Variants in DMAP1 observed in about 807,000 individuals in gnomAD.
DMAP1 encodes DNA methyltransferase 1-associated protein 1.
Under a neutral mutation model 52.7 loss-of-function variants are expected in DMAP1, and 26 were observed. The ratio of observed to expected loss-of-function variants is 0.49; its 90% CI spans 0.36 to 0.68. DMAP1 has a LOEUF of 0.68. DMAP1 is among the 30% of genes least tolerant of loss of function. The pLI is 0.00. For synonymous variants in DMAP1, 231 were observed against 246.0 expected (o/e 0.94, Z 0.57); for missense variants, 439 against 625.2 (o/e 0.70, Z 3.18).
At chr1:44,214,328 T>C in intron 1 of DMAP1, 22 bp from the exon 2 acceptor site, 3 of 1,611,656 alleles carry the variant, frequency 1.9e-6, no homozygotes, top group Middle Eastern at 1.8e-4. Context: ...TTGTGGTTCC[T>C]TTCTGTGGTT....
In DMAP1 at chr1:44,219,042, C is replaced by T. The variant is rs1479486821; in HGVS notation, c.721-14C>T. On this transcript the variant is annotated splice_polypyrimidine_tract_variant and intron_variant, in intron 5 of 9. Coordinates refer to ENST00000372289, the MANE Select transcript of DMAP1 (RefSeq NM_019100.5). ...GAAGTGCCCTCACACACTTCGCATC[C>T]CTCACTTTCCCAGGTGGCAGAGGAG... 1.9e-6 allele frequency: 3 copies of T among 1,613,506 alleles called. No homozygotes were observed. The highest frequency in any genetic ancestry group is 2.5e-6 in the Non-Finnish European group (3 of 1,179,732).
At position 44,219,413 on chromosome 1, in the gene DMAP1, C is replaced by T; in HGVS notation, c.914C>T (p.Pro305Leu). The T allele has an allele frequency of 1.3e-6, 2 of 1,588,988 alleles. No individual in the cohort carries two copies. The highest frequency in any genetic ancestry group is 1.2e-5 in the South Asian group (1 of 86,298). ...QKKEAEKPAV[P>L]ETAGIKFPDF... ...TAATGCCTTCTCCCCCAGGCTGTTC[C>T]TGAGACTGCAGGCATCAAGTTTCCA... The change falls in exon 7 of 10, where the codon CCT (proline) becomes CTT (leucine). Residue 305 changes from proline to leucine, a missense_variant. Physicochemically the swap from Pro to Leu is moderately conservative, Grantham distance 98 (BLOSUM62 -3). Coordinates refer to ENST00000372289, the MANE Select transcript of DMAP1 (RefSeq NM_019100.5).
intron 3 of DMAP1, chr1:44,215,987 C>T (rs763557958): frequency 6.6e-6 from 1 of 152,476 alleles, no homozygotes; most frequent in Non-Finnish European, 1.5e-5. Context: ...AATCTTTGTC[C>T]CTGGGCTGGA....
rs2154314469 is a variant in DMAP1, at chr1:44,220,329, G to A, written c.1344+20G>A. ...AATTCGGTAAGAGTCTGGACAGGCTGGGAGGCACGCCTGGGCCCTGCGAGT... is the reference window on the plus strand; with the variant it reads ...AATTCGGTAAGAGTCTGGACAGGCTAGGAGGCACGCCTGGGCCCTGCGAGT... On this transcript the variant is annotated intron_variant, in intron 9 of 9. Transcript: ENST00000372289. The A allele has an allele frequency of 1.3e-6, 2 of 1,535,382 alleles. No individual in the cohort carries two copies. The highest frequency in any genetic ancestry group is 2.3e-5 in the East Asian group (1 of 43,728).
rs1264937113 is a variant in DMAP1 at position 44,213,814 on chromosome 1, G to A, written c.61G>A (p.Ala21Thr). The part of the protein sequence containing the change: ...LELGGPEGDA[A>T]SGTISKKDII... ...ACTCGGGGGTCCAGAAGGGGATGCA[G>A]CCTCTGGGACCATCAGCAAGAAGGA... The change falls in exon 1 of 10, where the codon GCC (alanine) becomes ACC (threonine). Residue 21 changes from alanine (A) to threonine (T), a missense_variant. By Grantham distance (58) the Ala-to-Thr change is moderately conservative. Coordinates refer to ENST00000372289, the MANE Select transcript of DMAP1 (RefSeq NM_019100.5). This position sits in a 1 kb window ranked among gnomAD's most constrained non-coding sequence, Gnocchi z 4.5. 5.6e-6 allele frequency: 9 copies of A among 1,596,570 alleles called. No homozygotes were observed. The highest frequency in any genetic ancestry group is 7.7e-6 in the Non-Finnish European group (9 of 1,171,918).
intron 1 of DMAP1, 74 bp from the exon 2 acceptor site, chr1:44,214,276 G>A: frequency 1.4e-6 from 2 of 1,396,440 alleles, no homozygotes; most frequent in Non-Finnish European, 2.0e-6. Context: ...GCTTTGTTCA[G>A]GGATTGAGCT....
chr1:44,214,995 C>G (rs775321712), intron 3 of DMAP1, 97 bp downstream of exon 3: 2 of 1,377,840 alleles, frequency 1.5e-6, no homozygotes, highest in African/African-American at 1.4e-5. Context: ...TCTGGGGGCA[C>G]GCTTATGCCC....
chr1:44,216,837 T>C (rs1296115001), intron 3 of DMAP1: 1 of 152,232 alleles, frequency 6.6e-6, no homozygotes, highest in Admixed American at 6.5e-5. Flanking sequence ...ATTAATTGAT[T>C]TGGTAGACAC....
chr1:44,213,696 G>T lies in DMAP1; in HGVS notation c.-58G>T. ...TGGCCCCGCCCCCTGACCTGAGCCT[G>T]GTCCTTCTTCAGGCACTGACCCTTG... On this transcript the variant is annotated 5_prime_UTR_variant, in exon 1 of 10. Transcript: ENST00000372289. The surrounding 1 kb of genome is among the most constrained non-coding windows in gnomAD (Gnocchi z 4.5). 4 of 1,504,808 alleles carry T rather than the reference G, an allele frequency of 2.7e-6. No homozygotes were observed. The allele number at this position is 1,504,808 out of a possible 1,614,324, so 93.2% of individuals were successfully genotyped here.
At chr1:44,220,335 C>T in intron 9 of DMAP1, 26 bp downstream of exon 9, 3 of 1,529,340 alleles carry the variant, frequency 2.0e-6, no homozygotes, top group Non-Finnish European at 2.6e-6. Context: ...GGCTGGGAGG[C>T]ACGCCTGGGC....
intron 3 of DMAP1, chr1:44,216,286 G>A (rs959245697): frequency 1.3e-5 from 2 of 151,944 alleles, no homozygotes; most frequent in Admixed American, 6.6e-5. Flanking sequence ...CTGGAGTGCA[G>A]TGGTGTGATC....
chr1:44,215,160 A>T, intron 3 of DMAP1: 1 of 611,390 alleles, frequency 1.6e-6, no homozygotes, highest in South Asian at 1.5e-5. Context: ...TCAGAGCTGT[A>T]TCCTAGGTGC....
rs1015359608 is a variant in DMAP1 at position 44,219,938 on chromosome 1, G to C, written c.1051+60G>C. The C allele has an allele frequency of 3.7e-5, 60 of 1,612,198 alleles. No individual in the cohort carries two copies. The Admixed American group carries it at 1.0e-3, about 27-fold the overall frequency. ...CACCCGAGGCTGTGGATATAGGTTG[G>C]GCAGGGGGAGGGGAGTTCACATTGC... On this transcript the variant is annotated intron_variant, in intron 8 of 9. Transcript: ENST00000372289.
At chr1:44,219,322 G>A in intron 6 of DMAP1, 81 bp downstream of exon 6, 4 of 1,563,694 alleles carry the variant, frequency 2.6e-6, no homozygotes, top group Non-Finnish European at 3.5e-6. Context: ...GGTTCTGAGA[G>A]TACCCAGTGC....
chr1:44,214,820 C>A lies in DMAP1; in HGVS notation c.315C>A (p.Arg105=), dbSNP rs1180506277. Residue 105 remains arginine (R), a synonymous_variant, in exon 3 of 10, where the codon CGC becomes CGA. Coordinates refer to ENST00000372289, the MANE Select transcript of DMAP1 (RefSeq NM_019100.5). ...WKWMPFTNPA[R]KDGAMFFHWR... ...GGATGCCATTCACCAACCCGGCCCG[C>A]AAGGACGGAGCAATGTTCTTCCACT... The A allele has an allele frequency of 6.2e-7, 1 of 1,614,186 alleles. No homozygotes were observed. The highest frequency in any genetic ancestry group is 2.2e-5 in the East Asian group (1 of 44,882).
Position 44,218,457 on chromosome 1 carries a change from C to T in DMAP1, c.540C>T (p.His180=), listed in dbSNP as rs144462164. The change falls in exon 4 of 10, where the codon CAC becomes CAT. Residue 180 remains histidine (H), a synonymous_variant. Coordinates refer to ENST00000372289, the MANE Select transcript of DMAP1 (RefSeq NM_019100.5). This position sits in a 1 kb window ranked among gnomAD's most constrained non-coding sequence, Gnocchi z 5.6. ...RFVVIHDRYD[H]QQFKKRSVED... is the part of the protein sequence containing the mutation. ...TTGTTATCCATGACCGGTATGACCA[C>T]CAGCAGTTCAAGGTGAGCCATTGTG... 1.2e-6 allele frequency: 2 copies of T among 1,614,158 alleles called. No homozygotes were observed. The highest frequency in any genetic ancestry group is 1.6e-4 in the Middle Eastern group (1 of 6,062).
Position 44,218,573 on chromosome 1 carries a change from T to C in DMAP1, c.553-15T>C. 3.7e-6 allele frequency: 6 copies of C among 1,608,840 alleles called. No individual in the cohort carries two copies. The highest frequency in any genetic ancestry group is 5.1e-6 in the Non-Finnish European group (6 of 1,175,826). The stretch of plus-strand genomic sequence containing the variant: ...CCCCTGAATGTTCATTCCTCTACCC[T>C]GTCTTGCTCCTCAGAAGCGTTCTGT... On this transcript the variant is annotated splice_polypyrimidine_tract_variant and intron_variant, in intron 4 of 9. Transcript: ENST00000372289. The surrounding 1 kb of genome is among the most constrained non-coding windows in gnomAD (Gnocchi z 5.6).
At chr1:44,216,822 T>C (rs1405329648) in intron 3 of DMAP1, 1 of 152,300 alleles carries the variant, frequency 6.6e-6, no homozygotes, top group African/African-American at 2.4e-5. Flanking sequence ...TTTATTTGTA[T>C]GTTCATTAAT....
chr1:44,219,507 G>T, intron 7 of DMAP1, 30 bp downstream of exon 7: 1 of 1,548,896 alleles, frequency 6.5e-7, no homozygotes, highest in Non-Finnish European at 8.7e-7. Flanking sequence ...TAGCAAGTTT[G>T]GGTCCTGGGC....
Sources: allele counts gnomAD v4.1 joint callset, GRCh38; gene constraint gnomAD v4.1.1; non-coding constraint Gnocchi (gnomAD v3.1); transcripts MANE v1.5; gene names NCBI Gene and HGNC (gene_info 2026-07-23, HGNC 2026-07-21).